The following VPS13D variants were observed in gnomAD, a reference collection of about 807,000 sequenced individuals.
VPS13D encodes the protein intermembrane lipid transfer protein VPS13D.
VPS13D carries 187 observed loss-of-function variants against 461.9 expected under a neutral mutation model. The observed-to-expected ratio is 0.40, with a 90% CI of 0.36 to 0.46. The LOEUF is 0.46. Among genes scored for constraint, VPS13D ranks in the 20% least tolerant of loss-of-function variants. The pLI is 0.60. For missense variants in VPS13D, 4,711 were observed against 5,364.9 expected, an observed-to-expected ratio of 0.88 and a Z score of 3.81; for synonymous variants, 1,951 against 1,986.3, an observed-to-expected ratio of 0.98 and a Z score of 0.47.
At chr1:12,254,242 TG>T (rs1339889581) in intron 7 of VPS13D, among the ~76,000 whole-genome samples, 1 of 152,180 alleles carries the variant, frequency 6.6e-6, no homozygotes, top group East Asian at 1.9e-4. Context: ...GGTCTCACTC[TG>T]TTGTCCATGC....
rs1405275262 is a variant in VPS13D at position 12,291,125 on chromosome 1, GT to G, written c.5852+2del. The G allele has an allele frequency of 2.5e-6, 4 of 1,610,132 alleles. No individual in the cohort carries two copies. On this transcript the variant is annotated splice_donor_variant, in intron 23 of 69. Coordinates refer to ENST00000620676, the MANE Select transcript of VPS13D (RefSeq NM_015378.4). LOFTEE classifies it high-confidence loss of function. ...AAGCACTCATCTTCCAGACTTTTAAGTAAAAATGTCAATCTTTTTCTGACTT... is the reference window on the plus strand; with the variant it reads ...AAGCACTCATCTTCCAGACTTTTAAGAAAAATGTCAATCTTTTTCTGACTT...
intron 56 of VPS13D, 23 bp downstream of exon 56, chr1:12,378,614 A>T: frequency 7.9e-6 from 12 of 1,522,010 alleles, no homozygotes; most frequent in Non-Finnish European, 1.1e-5. Flanking sequence ...GCAACTTTTG[A>T]TTCAAGCTCA....
chr1:12,305,706 A>T (rs1642541663), intron 26 of VPS13D, among the ~76,000 whole-genome samples: 1 of 152,192 alleles, frequency 6.6e-6, no homozygotes, highest in Non-Finnish European at 1.5e-5. Flanking sequence ...GTCCAGTGTG[A>T]TGAGACTTTG....
chr1:12,278,339 C>T (rs979389000), intron 19 of VPS13D, among the ~76,000 whole-genome samples: 4 of 152,088 alleles, frequency 2.6e-5, no homozygotes, highest in African/African-American at 9.7e-5. Context: ...GATGCAGTCT[C>T]AGCTCACTGC....
Position 12,318,329 on chromosome 1 carries a change from A to C in VPS13D, c.7406A>C (p.Asn2469Thr). 6.2e-7 allele frequency: 1 copy of C among 1,608,814 alleles called. No individual in the cohort carries two copies. Among genetic ancestry groups the C allele is most frequent in the Non-Finnish European group, 8.5e-7 (1 of 1,175,624 alleles). ...SNERHLEVKV[N>T]VTGTEFVVIE... ...GAAAGGCACCTGGAGGTCAAGGTCA[A>C]TGTAACAGGTGATTATATGTGGGTG... Residue 2469 changes from asparagine to threonine, a missense_variant, in exon 31 of 70, where the codon AAT (asparagine) becomes ACT (threonine). Transcript: ENST00000620676.
chr1:12,493,071 G>GT (rs199981849), intron 67 of VPS13D, among the ~76,000 whole-genome samples: 478 of 139,794 alleles, frequency 3.4e-3, no homozygotes, highest in Non-Finnish European at 3.4e-3. Flanking sequence ...GAGTGATGGA[G>GT]TTTTTTTTTT....
At chr1:12,317,514 C>T (rs955731933) in intron 30 of VPS13D, among the ~76,000 whole-genome samples, 6 of 151,726 alleles carry the variant, frequency 4.0e-5, no homozygotes, top group African/African-American at 1.5e-4. Context: ...AACAGCATCC[C>T]TGGCCTCTAC....
chr1:12,321,929 G>A lies in VPS13D; in HGVS notation c.7669G>A (p.Ala2557Thr), dbSNP rs774202842. The A allele has an allele frequency of 6.2e-7, 1 of 1,613,356 alleles. No homozygotes were observed. The highest frequency in any genetic ancestry group is 1.7e-5 in the Admixed American group (1 of 59,812). Residue 2557 changes from alanine (A) to threonine (T), a missense_variant, in exon 33 of 70, where the codon GCA (alanine) becomes ACA (threonine). Physicochemically the swap from Ala to Thr is moderately conservative, Grantham distance 58 (BLOSUM62 0). Around this residue, in one of 3 missense-constraint regions of VPS13D, gnomAD observed 4,411 missense variants for 4,937.8 expected, o/e 0.89. Transcript: ENST00000620676. ...SYQNSSGLMD[A>T]FNSEDFPPVL... ...TCAAAATAGTTCAGGATTGATGGAT[G>A]CATTCAATAGTGAAGATTTCCCACC... is the stretch of plus-strand genomic sequence containing the variant.
chr1:12,510,566 CGT>C lies in VPS13D; in HGVS notation c.*1544_*1545del, dbSNP rs1245311053. On this transcript the variant is annotated 3_prime_UTR_variant, in exon 70 of 70. Transcript: ENST00000620676. ...GTGTGTGTGTGTGTGCGCGCGCGCG[CGT>C]GCATGCAGAGAGGAAGGAAGGGAGC... 3,415 of 153,012 alleles carry C rather than the reference CGT, an allele frequency of 0.022. 125 individuals carry two copies. The highest frequency in any genetic ancestry group is 0.1 in the Admixed American group (1,538 of 15,232). The allele number at this position is 153,012 out of a possible 1,614,324, so 9.5% of individuals were successfully genotyped here. A position where few individuals can be genotyped will look rare whatever the true frequency, so the allele number is the denominator to read the frequency against.
At chr1:12,339,838 G>A (rs1643529750) in intron 40 of VPS13D, among the ~76,000 whole-genome samples, 1 of 152,212 alleles carries the variant, frequency 6.6e-6, no homozygotes, top group South Asian at 2.1e-4. Context: ...CTCCAAAGCA[G>A]TATACTTGTG....
At chr1:12,383,876 A>G (rs1393800837) in intron 58 of VPS13D, among the ~76,000 whole-genome samples, 1 of 152,246 alleles carries the variant, frequency 6.6e-6, no homozygotes, top group Non-Finnish European at 1.5e-5. Context: ...GAAGTTGACT[A>G]GTGAAGGCCC....
chr1:12,509,261 G>A lies in VPS13D; in HGVS notation c.*237G>A, dbSNP rs974276941. On this transcript the variant is annotated 3_prime_UTR_variant, in exon 70 of 70. Transcript: ENST00000620676. ...TTTTTAAAGGTATTGGTTAAATAAC[G>A]TTTAAAAACATGTACTGAGATGAAT... 2.2e-5 allele frequency: 11 copies of A among 498,776 alleles called. No homozygotes were observed. The highest frequency in any genetic ancestry group is 9.9e-5 in the South Asian group (3 of 30,324). 30.9% of individuals were successfully genotyped at this position (498,776 alleles called of 1,614,324 possible). A position where few individuals can be genotyped will look rare whatever the true frequency, so the allele number is the denominator to read the frequency against.
At position 12,293,606 on chromosome 1, in the gene VPS13D, A is replaced by G. The variant is rs1443315620; in HGVS notation, c.5935A>G (p.Thr1979Ala). 1.2e-6 allele frequency: 2 copies of G among 1,614,130 alleles called. No individual in the cohort carries two copies. Among genetic ancestry groups the G allele is most frequent in the Non-Finnish European group, 1.7e-6 (2 of 1,180,020 alleles). The change falls in exon 24 of 70, where the codon ACT becomes GCT. Residue 1979 changes from threonine to alanine, a missense_variant. Around this residue, in one of 3 missense-constraint regions of VPS13D, gnomAD observed 4,411 missense variants for 4,937.8 expected, o/e 0.89. Transcript: ENST00000620676. The stretch of plus-strand genomic sequence containing the variant: ...GATGGCCTCTGTGCAGTATGTGCAT[A>G]CTCAGCGTTTCCAGGCAGAGGTGGT... Reference protein sequence around the residue: ...LRMASVQYVHTQRFQAEVVAF... With the variant: ...LRMASVQYVHAQRFQAEVVAF...
intron 25 of VPS13D, among the ~76,000 whole-genome samples, chr1:12,301,389 G>A (rs1267686896): frequency 2.6e-5 from 4 of 152,150 alleles, no homozygotes; most frequent in Admixed American, 6.5e-5. Context: ...GCCTCCTGAG[G>A]TTCAGTAATT....
At chr1:12,305,614 T>C (rs1242065416) in intron 26 of VPS13D, among the ~76,000 whole-genome samples, 1 of 152,126 alleles carries the variant, frequency 6.6e-6, no homozygotes, top group African/African-American at 2.4e-5. Context: ...AAATGTGTTC[T>C]GGATGAGTCA....
At chr1:12,329,987 T>G in intron 37 of VPS13D, 69 bp downstream of exon 37, 2 of 1,043,924 alleles carry the variant, frequency 1.9e-6, no homozygotes, top group Non-Finnish European at 2.7e-6. Context: ...GACCTATTGC[T>G]ACGTAAATTT....
chr1:12,325,262 C>CT (rs1019199141), intron 35 of VPS13D, among the ~76,000 whole-genome samples: 73 of 147,194 alleles, frequency 5.0e-4, no homozygotes, highest in African/African-American at 6.2e-4. Flanking sequence ...TTCTACTTCT[C>CT]TTTTTTTTTT....
rs1262235713 is a variant in VPS13D, at chr1:12,291,045, G to A, written c.5773G>A (p.Asp1925Asn). 1.2e-6 allele frequency: 2 copies of A among 1,613,934 alleles called. No individual in the cohort carries two copies. The highest frequency in any genetic ancestry group is 2.7e-5 in the African/African-American group (2 of 74,912). ...CAGCATTGGGAGTCTGTCTCTAAGT[G>A]ACCTCACATGCCATGGAGAGTTCTA... ...QGSIGSLSLS[D>N]LTCHGEFYRE... The change falls in exon 23 of 70, where the codon GAC becomes AAC. Residue 1925 changes from aspartate to asparagine, a missense_variant. This residue lies in a region of VPS13D where 4,411 missense variants were observed against 4,937.8 expected (regional missense o/e 0.89). Coordinates refer to ENST00000620676, the MANE Select transcript of VPS13D (RefSeq NM_015378.4).
rs1642915911 is a variant in VPS13D at position 12,317,283 on chromosome 1, A to G, written c.7149-789A>G. Among the ~76,000 whole-genome samples, 7 of 152,078 alleles carry G rather than the reference A, an allele frequency of 4.6e-5. No homozygotes were observed. In the South Asian group the frequency reaches 1.5e-3, roughly 32 times the overall value. ...TGTGCCTGGTGCTTTATTTCTTATC[A>G]TATTAATATTCTTCATTTTATAAGT... On this transcript the variant is annotated intron_variant, in intron 30 of 69. Transcript: ENST00000620676.
Sources: gnomAD v4.1 joint callset for allele counts (sites outside exome capture counted in the v4.1 genomes callset) on GRCh38, gnomAD v4.1.1 for gene constraint, gnomAD v4.1.1 regional missense constraint, MANE v1.5 for transcripts, NCBI Gene and HGNC (gene_info 2026-07-23, HGNC 2026-07-21) for gene names.